VAV3: variants seen among roughly 807,000 people sequenced by gnomAD.
VAV3 encodes the protein guanine nucleotide exchange factor VAV3.
In VAV3, 94 loss-of-function variants were observed where a neutral mutation model predicts 131.2. The ratio of observed to expected loss-of-function variants is 0.72; its 90% CI spans 0.61 to 0.85. VAV3 has a LOEUF of 0.85. Among genes scored for constraint, VAV3 ranks in the 40% least tolerant of loss-of-function variants. VAV3 has a pLI of 0.00. For synonymous variants in VAV3, 349 were observed against 342.0 expected (o/e 1.02, Z -0.22); for missense variants, 939 against 1,002.7 (o/e 0.94, Z 0.86).
chr1:107,594,888 A>T (rs184507191), intron 25 of VAV3, among the ~76,000 whole-genome samples: 7 of 152,244 alleles, frequency 4.6e-5, no homozygotes, highest in African/African-American at 1.7e-4. Context: ...AGGATTTTTC[A>T]TCTAACTGAC....
chr1:107,926,241 A>C (rs1208222366), intron 1 of VAV3, among the ~76,000 whole-genome samples: 1 of 152,130 alleles, frequency 6.6e-6, no homozygotes, highest in Non-Finnish European at 1.5e-5. Context: ...AGATCGTGCC[A>C]CTGCACTCCA....
intron 12 of VAV3, 79 bp from the exon 13 acceptor site, chr1:107,751,281 C>A: frequency 9.2e-7 from 1 of 1,088,944 alleles, no homozygotes; most frequent in South Asian, 1.4e-5. Flanking sequence ...GATATTTACT[C>A]AAGACAACTA....
Position 107,732,598 on chromosome 1 carries a change from C to T in VAV3, c.1502+16370G>A, listed in dbSNP as rs568310309. Among the ~76,000 whole-genome samples the T allele has an allele frequency of 9.8e-5, 15 of 152,320 alleles. No homozygotes were observed. The South Asian group carries it at 3.1e-3, about 32-fold the overall frequency. ...CTCAGAGGGTCCCATGCCCACGGAG[C>T]CTCGTTCACTGCTAGCTCAGCAGTC... is the stretch of plus-strand genomic sequence containing the variant. On this transcript the variant is annotated intron_variant, in intron 15 of 26. Transcript: ENST00000370056.
Position 107,572,223 on chromosome 1 carries a change from G to GA in VAV3, c.*1107dup, listed in dbSNP as rs1558056868. 1.3e-5 allele frequency: 2 copies of GA among 152,198 alleles called. No individual in the cohort carries two copies. The highest frequency in any genetic ancestry group is 1.3e-4 in the Admixed American group (2 of 15,284). 9.4% of individuals were successfully genotyped at this position (152,198 alleles called of 1,614,324 possible). A position where few individuals can be genotyped will look rare whatever the true frequency, so the allele number is the denominator to read the frequency against. ...ACTCCCAGGATGGGCTGCAGAGGGG[G>GA]AGACTCTGAGAGAAGCTGGAGGCCC... is the stretch of plus-strand genomic sequence containing the variant. On this transcript the variant is annotated 3_prime_UTR_variant, in exon 27 of 27. Transcript: ENST00000370056.
intron 2 of VAV3, among the ~76,000 whole-genome samples, chr1:107,816,785 T>C (rs1053445262): frequency 1.3e-5 from 2 of 152,248 alleles, no homozygotes; most frequent in African/African-American, 4.8e-5. Flanking sequence ...TCTATAATAA[T>C]GTTTATTCAA....
chr1:107,910,082 C>T (rs949848631), intron 1 of VAV3, among the ~76,000 whole-genome samples: 7 of 152,236 alleles, frequency 4.6e-5, no homozygotes, highest in African/African-American at 9.6e-5. Flanking sequence ...AACAACTCTA[C>T]GATGAAAGCA....
intron 15 of VAV3, among the ~76,000 whole-genome samples, chr1:107,736,018 T>C (rs1223000765): frequency 6.6e-6 from 1 of 151,640 alleles, no homozygotes; most frequent in East Asian, 1.9e-4. Context: ...CAAGATCAAG[T>C]TGGCTTCATC....
At chr1:107,690,593 C>T (rs539787265) in intron 17 of VAV3, among the ~76,000 whole-genome samples, 1 of 152,276 alleles carries the variant, frequency 6.6e-6, no homozygotes, top group African/African-American at 2.4e-5. Flanking sequence ...TCCTTTATTT[C>T]CTCCCTTGTC....
At chr1:107,906,344 G>A (rs1432437120) in intron 1 of VAV3, among the ~76,000 whole-genome samples, 1 of 152,158 alleles carries the variant, frequency 6.6e-6, no homozygotes, top group Admixed American at 6.5e-5. Context: ...GTCAACATAA[G>A]CTTCACAACT....
intron 15 of VAV3, among the ~76,000 whole-genome samples, chr1:107,712,411 C>T (rs1316139589): frequency 2.0e-5 from 3 of 152,148 alleles, no homozygotes; most frequent in African/African-American, 7.2e-5. Flanking sequence ...TGGCCCAATA[C>T]AAATTCTTCT....
At chr1:107,706,955 G>A (rs1029627060) in intron 15 of VAV3, among the ~76,000 whole-genome samples, 17 of 152,146 alleles carry the variant, frequency 1.1e-4, no homozygotes, top group East Asian at 7.7e-4. Context: ...TGAACATACC[G>A]GAGTTGTGTT....
chr1:107,830,252 G>A (rs557721610), intron 2 of VAV3, among the ~76,000 whole-genome samples: 17 of 151,342 alleles, frequency 1.1e-4, no homozygotes, highest in African/African-American at 4.1e-4. Flanking sequence ...ACCCAGGGTG[G>A]AGGGCAGTGA....
intron 25 of VAV3, among the ~76,000 whole-genome samples, chr1:107,587,718 G>A (rs754529253): frequency 1.3e-5 from 2 of 152,172 alleles, no homozygotes; most frequent in Non-Finnish European, 2.9e-5. Flanking sequence ...GGCCTCCCGA[G>A]TAGCTGGGAT....
intron 17 of VAV3, among the ~76,000 whole-genome samples, chr1:107,693,154 A>G (rs1006920723): frequency 1.3e-5 from 2 of 152,076 alleles, no homozygotes; most frequent in Admixed American, 6.6e-5. Context: ...TTAACGTTGG[A>G]AAGTTTTGGC....
chr1:107,707,344 A>G (rs957623009), intron 15 of VAV3, among the ~76,000 whole-genome samples: 2 of 152,230 alleles, frequency 1.3e-5, no homozygotes, highest in Admixed American at 1.3e-4. Flanking sequence ...CCTAACTTGC[A>G]AATCAGTAGC....
chr1:107,721,352 C>G (rs1356837412), intron 15 of VAV3, among the ~76,000 whole-genome samples: 1 of 152,120 alleles, frequency 6.6e-6, no homozygotes, highest in African/African-American at 2.4e-5. Flanking sequence ...CAGGAGCAGA[C>G]AGATGAGAAT....
At chr1:107,742,510 T>C (rs977730903) in intron 15 of VAV3, among the ~76,000 whole-genome samples, 2 of 152,108 alleles carry the variant, frequency 1.3e-5, no homozygotes, top group African/African-American at 4.8e-5. Context: ...TCAAAGAACA[T>C]AAAGGAAAGA....
chr1:107,655,787 T>A (rs1656505890), intron 19 of VAV3, among the ~76,000 whole-genome samples: 1 of 152,072 alleles, frequency 6.6e-6, no homozygotes, highest in Non-Finnish European at 1.5e-5. Context: ...AAAAATGAGC[T>A]AAAGATCTGA....
intron 3 of VAV3, chr1:107,777,541 G>A (rs755743340): frequency 5.6e-5 from 30 of 538,886 alleles, no homozygotes; most frequent in African/African-American, 7.6e-5. Flanking sequence ...ATTACAGCTG[G>A]TCACCACAGT....
Sources: gnomAD v4.1 joint callset for allele counts (sites outside exome capture counted in the v4.1 genomes callset) on GRCh38, gnomAD v4.1.1 for gene constraint, MANE v1.5 for transcripts, NCBI Gene and HGNC (gene_info 2026-07-23, HGNC 2026-07-21) for gene names.